Variants in ADAMTS20 observed in about 807,000 individuals in gnomAD.
ADAMTS20 encodes A disintegrin and metalloproteinase with thrombospondin motifs 20.
Under a neutral mutation model 260.1 loss-of-function variants are expected in ADAMTS20, and 225 were observed. That is an observed-to-expected ratio of 0.87 (90% CI 0.78 to 0.97). The LOEUF (loss-of-function observed/expected upper bound fraction) is 0.97, where lower values mean the gene tolerates loss of function less well. Among genes scored for constraint, ADAMTS20 ranks in the 50% least tolerant of loss-of-function variants. ADAMTS20 has a pLI of 0.00. For missense variants in ADAMTS20, 2,400 were observed against 2,337.7 expected (o/e 1.03, Z -0.55); for synonymous variants, 802 against 769.5 (o/e 1.04, Z -0.70).
intron 28 of ADAMTS20, among the ~76,000 whole-genome samples, chr12:43,407,474 A>G (rs1185663229): frequency 6.6e-6 from 1 of 151,646 alleles, no homozygotes; most frequent in African/African-American, 2.4e-5. Context: ...ATATTTAAAG[A>G]TAATTTACTA....
intron 7 of ADAMTS20, among the ~76,000 whole-genome samples, chr12:43,481,536 C>T (rs564379899): frequency 7.2e-4 from 109 of 152,094 alleles, no homozygotes; most frequent in African/African-American, 2.5e-3. Flanking sequence ...AAATATATTG[C>T]CATAATTCAC....
intron 2 of ADAMTS20, among the ~76,000 whole-genome samples, chr12:43,545,421 C>T (rs976423095): frequency 3.9e-5 from 6 of 152,200 alleles, no homozygotes; most frequent in Middle Eastern, 3.2e-3. Context: ...ATTTTCATAT[C>T]CATTTTTATT....
intron 37 of ADAMTS20, among the ~76,000 whole-genome samples, chr12:43,366,383 A>C: frequency 6.6e-6 from 1 of 151,942 alleles, no homozygotes; most frequent in East Asian, 1.9e-4. Context: ...ATTTAAAAAT[A>C]ATAGTTGCAG....
chr12:43,377,336 A>G (rs749674210), intron 32 of ADAMTS20, 29 bp downstream of exon 32: 3 of 1,564,094 alleles, frequency 1.9e-6, no homozygotes, highest in Non-Finnish European at 2.6e-6. Context: ...CTTATTCAGA[A>G]GTTTTAAAAT....
At chr12:43,433,356 T>A (rs1941486369) in intron 19 of ADAMTS20, among the ~76,000 whole-genome samples, 1 of 152,172 alleles carries the variant, frequency 6.6e-6, no homozygotes, top group South Asian at 2.1e-4. Flanking sequence ...ATCCCAATTG[T>A]AGTCTAGCAT....
chr12:43,466,650 A>T lies in ADAMTS20; in HGVS notation c.1367+2T>A, dbSNP rs763856637. The T allele has an allele frequency of 4.4e-6, 7 of 1,601,336 alleles. No individual in the cohort carries two copies. Among genetic ancestry groups the T allele is most frequent in the Non-Finnish European group, 6.0e-6 (7 of 1,175,564 alleles). Reference sequence around the variant, plus strand: ...TCAATTATTTAACATAAATTTACTTACTCTAGGAATTCAGTAACATATTTC... The same window carrying T: ...TCAATTATTTAACATAAATTTACTTTCTCTAGGAATTCAGTAACATATTTC... On this transcript the variant is annotated splice_donor_variant, in intron 9 of 38. Transcript: ENST00000389420. LOFTEE classifies it high-confidence loss of function.
intron 2 of ADAMTS20, among the ~76,000 whole-genome samples, chr12:43,538,784 T>C (rs1039704650): frequency 5.3e-5 from 8 of 152,172 alleles, no homozygotes; most frequent in Non-Finnish European, 1.0e-4. Context: ...GGTAAGAACA[T>C]ATTTACTATT....
intron 28 of ADAMTS20, among the ~76,000 whole-genome samples, chr12:43,424,989 A>T (rs1941303480): frequency 6.6e-6 from 1 of 152,182 alleles, no homozygotes; most frequent in African/African-American, 2.4e-5. Context: ...TAAAGAGAAT[A>T]AATTAAAGCA....
chr12:43,440,234 C>A (rs554680473), intron 16 of ADAMTS20, among the ~76,000 whole-genome samples, 165 bp from the exon 17 acceptor site: 1 of 150,228 alleles, frequency 6.7e-6, no homozygotes, highest in Non-Finnish European at 1.5e-5. Context: ...ACCTTCGCCT[C>A]GCCTCTTGGA....
At chr12:43,416,811 C>T (rs533422229) in intron 28 of ADAMTS20, among the ~76,000 whole-genome samples, 48 of 152,252 alleles carry the variant, frequency 3.2e-4, no homozygotes, top group Non-Finnish European at 6.3e-4. Flanking sequence ...CGTGAGCCAC[C>T]GCGCCCGGCC....
rs763199557 is a variant in ADAMTS20, at chr12:43,428,338, G to A, written c.3848C>T (p.Thr1283Met). Residue 1283 changes from threonine (T) to methionine (M), a missense_variant, in exon 26 of 39, where the codon ACG becomes ATG. Coordinates refer to ENST00000389420, the MANE Select transcript of ADAMTS20 (RefSeq NM_025003.5). ...AAGTTTTTGAGTTAATGGCAAATTC[G>A]TGCTTAGATAATAGCTTGGCTGCAC... The part of the protein sequence containing the change: ...SPVQPSYYLS[T>M]NLPLTQKLED... 1.3e-5 allele frequency: 21 copies of A among 1,613,736 alleles called. No homozygotes were observed. Among genetic ancestry groups the A allele is most frequent in the Middle Eastern group, 1.6e-4 (1 of 6,082 alleles).
chr12:43,368,443 T>G (rs1008316301), intron 37 of ADAMTS20, among the ~76,000 whole-genome samples: 17 of 152,112 alleles, frequency 1.1e-4, no homozygotes, highest in African/African-American at 4.1e-4. Context: ...TCTCTTGATC[T>G]CCTTTAAGTT....
intron 18 of ADAMTS20, among the ~76,000 whole-genome samples, chr12:43,435,690 A>AAG (rs58070036): frequency 6.7e-6 from 1 of 149,628 alleles, no homozygotes; most frequent in Non-Finnish European, 1.5e-5. Context: ...AAATAAAAAA[A>AAG]GTCTATAAAA....
At chr12:43,430,506 T>A in intron 22 of ADAMTS20, 35 bp from the exon 23 acceptor site, 14 of 1,583,330 alleles carry the variant, frequency 8.8e-6, no homozygotes, top group Non-Finnish European at 1.2e-5. Context: ...AAAAACATTG[T>A]TTCCCAAAAG....
chr12:43,471,238 A>G (rs1333909094), intron 7 of ADAMTS20, among the ~76,000 whole-genome samples: 2 of 152,264 alleles, frequency 1.3e-5, no homozygotes, highest in East Asian at 3.9e-4. Context: ...CGCACCTGGA[A>G]AATCGGGTCG....
Position 43,430,364 on chromosome 12 carries a change from G to C in ADAMTS20, c.3369C>G (p.Pro1123=). ...EDTECHEASR[P]SDRQSCVLTP... ...TGATTCTTTTTACCTGTCTGTCACT[G>C]GGGCGACTAGCTTCATGGCATTCTG... The change falls in exon 23 of 39, where the codon CCC becomes CCG. Residue 1123 remains proline, a synonymous_variant. Coordinates refer to ENST00000389420, the MANE Select transcript of ADAMTS20 (RefSeq NM_025003.5). 7 of 1,611,180 alleles carry C rather than the reference G, an allele frequency of 4.3e-6. No individual in the cohort carries two copies. Among genetic ancestry groups the C allele is most frequent in the Non-Finnish European group, 5.9e-6 (7 of 1,178,440 alleles).
chr12:43,412,073 C>G (rs1214955750), intron 28 of ADAMTS20, among the ~76,000 whole-genome samples: 1 of 152,074 alleles, frequency 6.6e-6, no homozygotes, highest in Non-Finnish European at 1.5e-5. Context: ...ACGGCAGAAA[C>G]CAGTTCCATA....
At chr12:43,481,699 A>C (rs768835813) in intron 7 of ADAMTS20, among the ~76,000 whole-genome samples, 1 of 152,218 alleles carries the variant, frequency 6.6e-6, no homozygotes, top group Non-Finnish European at 1.5e-5. Flanking sequence ...CATTTACTTT[A>C]ACAATAGAAA....
At chr12:43,417,997 A>ACTG (rs1565688152) in intron 28 of ADAMTS20, among the ~76,000 whole-genome samples, 14 of 152,066 alleles carry the variant, frequency 9.2e-5, no homozygotes. Flanking sequence ...TGCAACTACA[A>ACTG]CTGCTGCTGC....
Sources: allele counts gnomAD v4.1 joint callset (sites outside exome capture counted in the v4.1 genomes callset), GRCh38; gene constraint gnomAD v4.1.1; transcripts MANE v1.5; gene names NCBI Gene and HGNC (gene_info 2026-07-23, HGNC 2026-07-21).